NELL2: variants seen among roughly 807,000 people sequenced by gnomAD.
NELL2 encodes the protein protein kinase C-binding protein NELL2.
A neutral mutation model predicts 109.6 loss-of-function variants in NELL2; 41 were observed. The ratio of observed to expected loss-of-function variants is 0.37; its 90% CI spans 0.29 to 0.49. The LOEUF (loss-of-function observed/expected upper bound fraction) is 0.49. Among genes scored for constraint, NELL2 ranks in the 20% least tolerant of loss-of-function variants. NELL2 has a pLI of 0.98. For synonymous variants in NELL2, 355 were observed against 344.7 expected (o/e 1.03, Z -0.33); for missense variants, 900 against 1,008.3 (o/e 0.89, Z 1.45).
chr12:44,676,109 A>T (rs917983474), intron 12 of NELL2, among the ~76,000 whole-genome samples: 3 of 152,186 alleles, frequency 2.0e-5, no homozygotes, highest in Non-Finnish European at 2.9e-5. Context: ...TCTTGAAGTC[A>T]TGCAGCTCAA....
At chr12:44,516,289 A>G (rs1269610889) in intron 19 of NELL2, among the ~76,000 whole-genome samples, 1 of 152,090 alleles carries the variant, frequency 6.6e-6, no homozygotes, top group Non-Finnish European at 1.5e-5. Context: ...TGAGATGGAT[A>G]TTGGCATGTA....
intron 13 of NELL2, among the ~76,000 whole-genome samples, chr12:44,637,493 A>G (rs560679197): frequency 7.2e-6 from 1 of 138,700 alleles, no homozygotes; most frequent in East Asian, 2.1e-4. Flanking sequence ...TGAAAGAAAA[A>G]GTGTGGGGTA....
intron 12 of NELL2, among the ~76,000 whole-genome samples, chr12:44,690,545 A>T (rs925623621): frequency 1.3e-5 from 2 of 152,090 alleles, no homozygotes; most frequent in African/African-American, 4.8e-5. Context: ...GGTCTTGAAA[A>T]AAAAAAAACT....
intron 2 of NELL2, among the ~76,000 whole-genome samples, chr12:44,859,401 C>T (rs970012332): frequency 2.0e-5 from 3 of 152,054 alleles, no homozygotes; most frequent in African/African-American, 7.2e-5. Context: ...ATTAGCTGGG[C>T]ATAACGGCAG....
chr12:44,636,828 CT>C (rs1182449105), intron 13 of NELL2, among the ~76,000 whole-genome samples: 5 of 151,848 alleles, frequency 3.3e-5, no homozygotes, highest in African/African-American at 9.7e-5. Context: ...CCCTCTTTTT[CT>C]ATTGTTTGGA....
At chr12:44,888,845 A>AG (rs1566596286) in intron 1 of NELL2, among the ~76,000 whole-genome samples, 3 of 151,616 alleles carry the variant, frequency 2.0e-5, no homozygotes, top group African/African-American at 7.3e-5. Flanking sequence ...TAAAATAAAA[A>AG]AAAAATAAAT....
chr12:44,587,284 A>AAAAAAAAAAAAAAAAAATATAT, intron 15 of NELL2, among the ~76,000 whole-genome samples: 3 of 72,206 alleles, frequency 4.2e-5, no homozygotes, highest in Admixed American at 1.6e-4. Flanking sequence ...AAAAAAAAAA[A>AAAAAAAAAAAAAAAAAATATAT]ATATATATAT....
At position 44,848,022 on chromosome 12, in the gene NELL2, C is replaced by A. The variant is rs1477665150; in HGVS notation, c.184+27203G>T. Among the ~76,000 whole-genome samples the A allele has an allele frequency of 2.9e-5, 4 of 138,374 alleles. No homozygotes were observed. In the East Asian group the frequency reaches 8.7e-4, roughly 30 times the overall value. The allele number at this position is 138,374 out of a possible 152,430, so 90.8% of individuals were successfully genotyped here. On this transcript the variant is annotated intron_variant, in intron 2 of 19. Transcript: ENST00000429094. ...ATCCGGTCTGGGCGACAGAGTGAAA[C>A]TCTGTCTCAAAAAAAAAAAAAAAAA...
At chr12:44,711,732 G>A (rs1938214228) in intron 10 of NELL2, among the ~76,000 whole-genome samples, 1 of 151,802 alleles carries the variant, frequency 6.6e-6, no homozygotes, top group African/African-American at 2.4e-5. Flanking sequence ...GATACAGTTT[G>A]AATTATATCA....
At chr12:44,742,825 T>C (rs900981311) in intron 9 of NELL2, among the ~76,000 whole-genome samples, 18 of 152,184 alleles carry the variant, frequency 1.2e-4, no homozygotes, top group South Asian at 2.1e-4. Flanking sequence ...CTACGTCTGA[T>C]TGGCGTACCT....
intron 12 of NELL2, among the ~76,000 whole-genome samples, chr12:44,693,398 T>C (rs1269759824): frequency 6.6e-6 from 1 of 152,212 alleles, no homozygotes; most frequent in Admixed American, 6.5e-5. Flanking sequence ...CTTGCTTTAT[T>C]GCAATATTAG....
chr12:44,875,134 G>T (rs1592693888), intron 2 of NELL2, 91 bp downstream of exon 2: 2 of 1,488,184 alleles, frequency 1.3e-6, no homozygotes, highest in Non-Finnish European at 1.8e-6. Flanking sequence ...CATCCATGAG[G>T]CAATACAAAG....
intron 15 of NELL2, 102 bp downstream of exon 15, chr12:44,607,067 C>A: frequency 1.0e-6 from 1 of 980,220 alleles, no homozygotes; most frequent in South Asian, 1.9e-5. Flanking sequence ...TAGCTCCATG[C>A]TTTGAGAGCC....
chr12:44,648,900 T>TTGTGTGTGTGTGTGTGTGTGTG (rs563769057), intron 13 of NELL2, among the ~76,000 whole-genome samples: 32 of 107,162 alleles, frequency 3.0e-4, no homozygotes, highest in Middle Eastern at 5.2e-3. Context: ...CACGCCCAGC[T>TTGTGTGTGTGTGTGTGTGTGTG]TGTGTGTGTG....
At chr12:44,701,362 G>C (rs1396991485) in intron 12 of NELL2, among the ~76,000 whole-genome samples, 1 of 151,988 alleles carries the variant, frequency 6.6e-6, no homozygotes, top group Non-Finnish European at 1.5e-5. Context: ...ATGACAATTA[G>C]TATAAAGTTG....
At chr12:44,672,939 C>G (rs1323711355) in intron 12 of NELL2, among the ~76,000 whole-genome samples, 1 of 152,094 alleles carries the variant, frequency 6.6e-6, no homozygotes, top group African/African-American at 2.4e-5. Flanking sequence ...GATCATAAAG[C>G]AAAAACAAAA....
intron 3 of NELL2, among the ~76,000 whole-genome samples, chr12:44,813,799 T>A (rs1943251451): frequency 1.3e-5 from 2 of 152,122 alleles, no homozygotes; most frequent in East Asian, 1.9e-4. Context: ...TCTAAAACAA[T>A]AAATATTATT....
At chr12:44,528,220 G>A (rs1941893217) in intron 16 of NELL2, among the ~76,000 whole-genome samples, 1 of 148,836 alleles carries the variant, frequency 6.7e-6, no homozygotes, top group African/African-American at 2.5e-5. Flanking sequence ...TTCCAGAAGA[G>A]TTTTTTTTTG....
chr12:44,919,509 G>GA (rs750536944), intron 1 of NELL2, among the ~76,000 whole-genome samples: 1 of 152,116 alleles, frequency 6.6e-6, no homozygotes, highest in Non-Finnish European at 1.5e-5. Flanking sequence ...CTCAAGTTAG[G>GA]ATGTGGTCAT....
Sources: allele counts gnomAD v4.1 joint callset (sites outside exome capture counted in the v4.1 genomes callset), GRCh38; gene constraint gnomAD v4.1.1; transcripts MANE v1.5; gene names NCBI Gene and HGNC (gene_info 2026-07-23, HGNC 2026-07-21).